PPP2R2B: variants seen among roughly 807,000 people sequenced by gnomAD.
PPP2R2B encodes the protein protein phosphatase 2 regulatory subunit Bbeta.
PPP2R2B carries 5 observed loss-of-function variants against 46.0 expected under a neutral mutation model. The ratio of observed to expected loss-of-function variants is 0.11; its 90% CI spans 0.06 to 0.23. The LOEUF is 0.23. PPP2R2B is among the 10% of genes least tolerant of loss of function. PPP2R2B has a pLI of 1.00. For missense variants in PPP2R2B, 367 were observed against 575.0 expected (o/e 0.64, Z 3.70); for synonymous variants, 215 against 206.7 (o/e 1.04, Z -0.34).
intron 2 of PPP2R2B, among the ~76,000 whole-genome samples, chr5:146,769,009 G>C (rs981655597): frequency 2.0e-5 from 3 of 151,952 alleles, no homozygotes; most frequent in African/African-American, 7.3e-5. Flanking sequence ...TCCCAAGTAG[G>C]TGGGAAAGCA....
chr5:146,601,228 C>T (rs1771752486), intron 7 of PPP2R2B, among the ~76,000 whole-genome samples: 1 of 152,152 alleles, frequency 6.6e-6, no homozygotes, highest in South Asian at 2.1e-4. Context: ...CTAGGAATAA[C>T]ACTGCTATGA....
At chr5:146,980,411 C>T (rs1016848426) in intron 1 of PPP2R2B, among the ~76,000 whole-genome samples, 1 of 152,108 alleles carries the variant, frequency 6.6e-6, no homozygotes, top group African/African-American at 2.4e-5. Flanking sequence ...TCCTTTACAC[C>T]ATCCCTCCCC....
chr5:146,870,465 A>G (rs979120700), intron 2 of PPP2R2B, among the ~76,000 whole-genome samples: 1 of 152,230 alleles, frequency 6.6e-6, no homozygotes, highest in African/African-American at 2.4e-5. Context: ...GAAGTTGGCT[A>G]TACATGGGAA....
chr5:147,013,938 A>G (rs1217170978), intron 1 of PPP2R2B, among the ~76,000 whole-genome samples: 4 of 148,100 alleles, frequency 2.7e-5, no homozygotes, highest in African/African-American at 9.9e-5. Flanking sequence ...TACCATCAGA[A>G]TGAACAGGCA....
At chr5:147,071,253 A>C (rs1757585876) in intron 2 of PPP2R2B, among the ~76,000 whole-genome samples, 2 of 152,148 alleles carry the variant, frequency 1.3e-5, no homozygotes. Context: ...CACCTAGGGA[A>C]TTTATCAGCT....
intron 8 of PPP2R2B, among the ~76,000 whole-genome samples, chr5:146,596,468 A>T (rs1332630109): frequency 6.6e-6 from 1 of 152,164 alleles, no homozygotes; most frequent in Admixed American, 6.5e-5. Flanking sequence ...CTGGAGGCTC[A>T]CTGAATCAGA....
chr5:147,072,913 TCTAGCCAGTCTTACTCTAGC>T (rs1178308248), intron 2 of PPP2R2B, among the ~76,000 whole-genome samples: 1 of 152,200 alleles, frequency 6.6e-6, no homozygotes, highest in East Asian at 1.9e-4. Flanking sequence ...TGGCTTCCAA[TCTAGCCAGTCTTACTCTAGC>T]AAGCCTTCCC....
chr5:146,686,154 C>T (rs1230985000), intron 5 of PPP2R2B, among the ~76,000 whole-genome samples: 1 of 152,188 alleles, frequency 6.6e-6, no homozygotes, highest in Non-Finnish European at 1.5e-5. Context: ...GTAATCTGTT[C>T]ACTTGACAGA....
In PPP2R2B at chr5:146,748,366, C is replaced by T. The variant is rs573068833; in HGVS notation, c.71-47224G>A. 1.2e-4 allele frequency among the ~76,000 whole-genome samples: 18 copies of T among 152,200 alleles called. No individual in the cohort carries two copies. The East Asian group carries it at 3.1e-3, about 26-fold the overall frequency. On this transcript the variant is annotated intron_variant, in intron 2 of 9. Coordinates refer to ENST00000394411, the MANE Select transcript of PPP2R2B (RefSeq NM_181675.4). ...CCAGTTCCCCCCATCACAATGGTAACATTTTGCAAAACTATAGGACTATAT... is the reference window on the plus strand; with the variant it reads ...CCAGTTCCCCCCATCACAATGGTAATATTTTGCAAAACTATAGGACTATAT...
At chr5:146,819,486 T>C (rs1561932894) in intron 2 of PPP2R2B, among the ~76,000 whole-genome samples, 1 of 152,180 alleles carries the variant, frequency 6.6e-6, no homozygotes, top group South Asian at 2.1e-4. Context: ...AATGTGGAGA[T>C]GGCAAAGTGT....
chr5:146,792,975 T>C, intron 2 of PPP2R2B, among the ~76,000 whole-genome samples: 1 of 152,054 alleles, frequency 6.6e-6, no homozygotes, highest in Non-Finnish European at 1.5e-5. Context: ...ATGGCTACTG[T>C]GTGGAGAAGA....
intron 2 of PPP2R2B, among the ~76,000 whole-genome samples, chr5:146,854,928 T>C (rs1008046986): frequency 6.6e-6 from 1 of 152,192 alleles, no homozygotes; most frequent in Non-Finnish European, 1.5e-5. Context: ...TTAGAAATTT[T>C]GAGTCTGATA....
chr5:146,878,951 C>A (rs1468157184), upstream of PPP2R2B: 2 of 1,121,458 alleles, frequency 1.8e-6, no homozygotes, highest in Non-Finnish European at 2.2e-6. This position sits in a 1 kb window ranked among gnomAD's most constrained non-coding sequence, Gnocchi z 4.5. Context: ...AGGTGGAACG[C>A]ATAGACGCGC....
intron 1 of PPP2R2B, among the ~76,000 whole-genome samples, chr5:146,984,317 T>A (rs186453785): frequency 2.5e-3 from 375 of 152,354 alleles, no homozygotes; most frequent in Middle Eastern, 0.01. Flanking sequence ...TCATCTTAGA[T>A]TCCACATGTA....
intron 1 of PPP2R2B, among the ~76,000 whole-genome samples, chr5:146,901,962 T>C (rs567116): frequency 0.49 from 74,064 of 151,928 alleles, 19,847 homozygotes; most frequent in East Asian, 0.7. Context: ...ATTAGAGCCA[T>C]AATTCACGGG....
At chr5:147,012,374 T>C (rs1344805163) in intron 1 of PPP2R2B, among the ~76,000 whole-genome samples, 2 of 152,052 alleles carry the variant, frequency 1.3e-5, no homozygotes, top group Non-Finnish European at 2.9e-5. Context: ...ATAGAGGTGT[T>C]TGTAGTATTC....
At chr5:146,945,596 G>GT (rs1000878917) in intron 1 of PPP2R2B, among the ~76,000 whole-genome samples, 3 of 152,160 alleles carry the variant, frequency 2.0e-5, no homozygotes, top group Non-Finnish European at 2.9e-5. Flanking sequence ...TGCTGATGAT[G>GT]TTTTTTAAGG....
chr5:146,878,220 G>C lies in PPP2R2B; in HGVS notation c.-124-25C>G. 6.5e-7 allele frequency: 1 copy of C among 1,537,528 alleles called. No individual in the cohort carries two copies. The highest frequency in any genetic ancestry group is 8.7e-7 in the Non-Finnish European group (1 of 1,142,960). On this transcript the variant is annotated intron_variant, in intron 1 of 9. Transcript: ENST00000394411. This position sits in a 1 kb window ranked among gnomAD's most constrained non-coding sequence, Gnocchi z 4.5. ...CCTGAGGAGGAGACGGGGAGGCGGA[G>C]AGAAAAAAAATAAAAACCCGGCAAT...
intron 1 of PPP2R2B, among the ~76,000 whole-genome samples, chr5:146,984,688 A>G (rs1029468832): frequency 1.3e-5 from 2 of 151,974 alleles, no homozygotes; most frequent in African/African-American, 4.8e-5. Context: ...CGTTTCCACC[A>G]GCAGTGTACA....
Sources: allele counts gnomAD v4.1 joint callset (sites outside exome capture counted in the v4.1 genomes callset), GRCh38; gene constraint gnomAD v4.1.1; non-coding constraint Gnocchi (gnomAD v3.1); transcripts MANE v1.5; gene names NCBI Gene and HGNC (gene_info 2026-07-23, HGNC 2026-07-21).